KIF4A: variants seen among roughly 807,000 people sequenced by gnomAD.
The protein encoded by KIF4A is chromosome-associated kinesin KIF4A.
In KIF4A, 7 loss-of-function variants were observed where a neutral mutation model predicts 105.9. That is an observed-to-expected ratio of 0.07 (90% CI 0.04 to 0.12). The LOEUF (loss-of-function observed/expected upper bound fraction) is 0.12, where lower values mean the gene tolerates loss of function less well. Among genes scored for constraint, KIF4A ranks in the 10% least tolerant of loss-of-function variants. KIF4A has a pLI of 1.00. For missense variants in KIF4A, 558 were observed against 929.2 expected, an observed-to-expected ratio of 0.60 and a Z score of 5.19; for synonymous variants, 281 against 331.3, an observed-to-expected ratio of 0.85 and a Z score of 1.65.
chrX:70,398,279 C>T (rs764630025), intron 22 of KIF4A, among the ~76,000 whole-genome samples: 11 of 112,106 alleles, frequency 9.8e-5, no homozygotes, highest in East Asian at 2.8e-4. Context: ...CTCAAGCGAT[C>T]GGCCTGCCTT....
At chrX:70,317,038 G>C (rs1438558073) in intron 7 of KIF4A, among the ~76,000 whole-genome samples, 1 of 111,882 alleles carries the variant, frequency 8.9e-6, no homozygotes, top group Non-Finnish European at 1.9e-5. Flanking sequence ...AGTATTGCAT[G>C]TAGTTGTAGT....
At chrX:70,410,477 G>A (rs2086317430) in intron 28 of KIF4A, among the ~76,000 whole-genome samples, 1 of 111,839 alleles carries the variant, frequency 8.9e-6, no homozygotes, top group African/African-American at 3.3e-5. Context: ...GTAACCTTGA[G>A]CAAGTCAGTC....
chrX:70,403,075 G>A (rs188529946), intron 23 of KIF4A, among the ~76,000 whole-genome samples: 2 of 111,992 alleles, frequency 1.8e-5, no homozygotes, highest in East Asian at 5.6e-4. Flanking sequence ...CTAGAAAAGG[G>A]AAAACCTAAG....
At chrX:70,375,626 G>A (rs756743889) in intron 17 of KIF4A, among the ~76,000 whole-genome samples, 3 of 111,663 alleles carry the variant, frequency 2.7e-5, no homozygotes, top group African/African-American at 9.8e-5. Context: ...GTTATATCCT[G>A]ATCACCTTCC....
At chrX:70,364,692 T>A (rs937313786) in intron 15 of KIF4A, among the ~76,000 whole-genome samples, 1 of 112,096 alleles carries the variant, frequency 8.9e-6, no homozygotes, top group South Asian at 3.7e-4. Flanking sequence ...CCAACTTTGT[T>A]CTTTTGGCTG....
chrX:70,347,803 G>A (rs373882685), intron 13 of KIF4A, among the ~76,000 whole-genome samples: 4 of 98,733 alleles, frequency 4.1e-5, no homozygotes, highest in Non-Finnish European at 6.1e-5. Flanking sequence ...GTGAAACCCC[G>A]TCTCTACTAA....
chrX:70,330,081 C>G, intron 8 of KIF4A, 76 bp from the exon 9 acceptor site: 2 of 914,296 alleles, frequency 2.2e-6, no homozygotes, highest in Non-Finnish European at 1.5e-6. Context: ...AGTCACCAAC[C>G]CGAATGGACG....
chrX:70,311,166 A>T (rs1162541944), intron 7 of KIF4A, among the ~76,000 whole-genome samples: 1 of 110,378 alleles, frequency 9.1e-6, no homozygotes, highest in Non-Finnish European at 1.9e-5. Context: ...AAAGAAAATT[A>T]TTCATTTTTT....
In KIF4A at chrX:70,386,706, G is replaced by C; in HGVS notation, c.2118+5G>C. ...CTCAGACGTAAAACGGAGGAGGTAA[G>C]AAAATTCAATCTGCTAGGTCAAGTG... On this transcript the variant is annotated splice_donor_5th_base_variant and intron_variant, in intron 19 of 30. Transcript: ENST00000374403. The C allele has an allele frequency of 8.6e-7, 1 of 1,167,892 alleles. No homozygotes were observed. The highest frequency in any genetic ancestry group is 1.2e-6 in the Non-Finnish European group (1 of 855,781).
chrX:70,316,547 A>G (rs755808963), intron 7 of KIF4A, among the ~76,000 whole-genome samples: 9 of 111,779 alleles, frequency 8.1e-5, no homozygotes, highest in Non-Finnish European at 1.5e-4. Flanking sequence ...CATATTATGC[A>G]TATATGTATA....
chrX:70,346,970 G>T (rs2085995377), intron 13 of KIF4A, among the ~76,000 whole-genome samples: 1 of 111,733 alleles, frequency 8.9e-6, no homozygotes, highest in Admixed American at 9.5e-5. Context: ...GGCAACCATT[G>T]TTCCTAGATA....
At chrX:70,393,795 TTTTCTCTTTC>T (rs2086246595) in intron 20 of KIF4A, among the ~76,000 whole-genome samples, 3 of 101,170 alleles carry the variant, frequency 3.0e-5, no homozygotes, top group African/African-American at 1.1e-4. Context: ...TTTTCTTTTC[TTTTCTCTTTC>T]TTTCTTTCTT....
At chrX:70,330,091 G>A in intron 8 of KIF4A, 66 bp from the exon 9 acceptor site, 5 of 972,731 alleles carry the variant, frequency 5.1e-6, no homozygotes, top group Admixed American at 3.2e-5. Context: ...CCGAATGGAC[G>A]GCTTTGCTTA....
At chrX:70,372,655 G>C (rs965233344) in intron 15 of KIF4A, among the ~76,000 whole-genome samples, 4 of 112,449 alleles carry the variant, frequency 3.6e-5, no homozygotes, top group African/African-American at 1.3e-4. Context: ...GAGGGAGACC[G>C]TGGGGAGAGG....
chrX:70,364,634 G>A (rs1293723679), intron 15 of KIF4A, among the ~76,000 whole-genome samples: 4 of 111,102 alleles, frequency 3.6e-5, no homozygotes, highest in African/African-American at 1.3e-4. Flanking sequence ...TGCTGTTTTG[G>A]TTGCTGTAGC....
At chrX:70,332,214 TGTAA>T (rs1274929167) in intron 9 of KIF4A, among the ~76,000 whole-genome samples, 2 of 111,761 alleles carry the variant, frequency 1.8e-5, no homozygotes, top group African/African-American at 3.3e-5. Context: ...ATAAGGAGAA[TGTAA>T]GTAAGAAAAC....
chrX:70,389,020 C>T (rs180792638), intron 20 of KIF4A, among the ~76,000 whole-genome samples: 2 of 111,667 alleles, frequency 1.8e-5, no homozygotes, highest in African/African-American at 6.5e-5. Context: ...GAGGCTGAGG[C>T]AGGAGGATTG....
chrX:70,291,086 A>G (rs1291192242), intron 3 of KIF4A, among the ~76,000 whole-genome samples: 1 of 111,343 alleles, frequency 9.0e-6, no homozygotes, highest in Non-Finnish European at 1.9e-5. Context: ...GCTGATGGTG[A>G]TAAGTGTGCC....
intron 13 of KIF4A, among the ~76,000 whole-genome samples, chrX:70,344,735 C>CTTGGGCAGAGAT (rs2085985538): frequency 8.9e-6 from 1 of 111,894 alleles, no homozygotes; most frequent in Admixed American, 9.5e-5. Flanking sequence ...ATTCCTAGCT[C>CTTGGGCAGAGAT]TTGGGCAGAG....
Sources: allele counts gnomAD v4.1 joint callset (sites outside exome capture counted in the v4.1 genomes callset), GRCh38; gene constraint gnomAD v4.1.1; transcripts MANE v1.5; gene names NCBI Gene and HGNC (gene_info 2026-07-23, HGNC 2026-07-21).